The following GABRG3 variants were observed in gnomAD, a reference collection of about 807,000 sequenced individuals.
GABRG3 encodes the protein gamma-aminobutyric acid type A receptor subunit gamma3.
Under a neutral mutation model 48.8 loss-of-function variants are expected in GABRG3, and 25 were observed. That is an observed-to-expected ratio of 0.51 (90% CI 0.37 to 0.72). The LOEUF (loss-of-function observed/expected upper bound fraction) is 0.72. Among genes scored for constraint, GABRG3 ranks in the 30% least tolerant of loss-of-function variants. The pLI is 0.00. For missense variants in GABRG3, 394 were observed against 577.9 expected (o/e 0.68, Z 3.26); for synonymous variants, 227 against 217.6 (o/e 1.04, Z -0.38).
chr15:27,308,145 C>CCAAACTTATATAAACATATGTTTATAT (rs1566773171), intron 3 of GABRG3, among the ~76,000 whole-genome samples: 7 of 55,076 alleles, frequency 1.3e-4, no homozygotes, highest in African/African-American at 2.5e-4. Flanking sequence ...TATGTTTATA[C>CCAAACTTATATAAACATATGTTTATAT]ATCCAAACAT....
At chr15:27,402,899 C>G (rs1162178278) in intron 5 of GABRG3, among the ~76,000 whole-genome samples, 5 of 152,024 alleles carry the variant, frequency 3.3e-5, no homozygotes, top group African/African-American at 1.2e-4. Context: ...TTTCTATCCC[C>G]CTGCCTATAC....
chr15:27,392,786 T>G (rs1025054734), intron 5 of GABRG3, among the ~76,000 whole-genome samples: 15 of 152,228 alleles, frequency 9.9e-5, no homozygotes, highest in Admixed American at 2.6e-4. Flanking sequence ...CTCCTGGATA[T>G]TTATTTTATA....
At chr15:27,271,260 C>T (rs935896524) in intron 3 of GABRG3, among the ~76,000 whole-genome samples, 2 of 152,140 alleles carry the variant, frequency 1.3e-5, no homozygotes, top group Non-Finnish European at 2.9e-5. Context: ...GGGCTTGTCC[C>T]GACATCCTGA....
intron 2 of GABRG3, among the ~76,000 whole-genome samples, chr15:27,013,701 C>G (rs891359019): frequency 2.0e-5 from 3 of 152,048 alleles, no homozygotes; most frequent in Non-Finnish European, 4.4e-5. Flanking sequence ...TAACTATGGG[C>G]TCTCTATTCT....
chr15:27,379,728 A>G (rs1038812076), intron 5 of GABRG3, among the ~76,000 whole-genome samples: 1 of 152,152 alleles, frequency 6.6e-6, no homozygotes, highest in Non-Finnish European at 1.5e-5. Context: ...AACACTATAA[A>G]TATCTTGCTC....
chr15:27,423,888 T>C (rs1888209508), intron 5 of GABRG3, among the ~76,000 whole-genome samples: 2 of 151,960 alleles, frequency 1.3e-5, no homozygotes, highest in African/African-American at 2.4e-5. Context: ...ATTTGCAAAA[T>C]AGGATTGATG....
intron 6 of GABRG3, among the ~76,000 whole-genome samples, chr15:27,493,028 G>A (rs760890823): frequency 6.6e-6 from 1 of 152,208 alleles, no homozygotes; most frequent in Non-Finnish European, 1.5e-5. Flanking sequence ...AGACAAAATA[G>A]TAGTGGTGGC....
chr15:27,000,761 A>C (rs1388144948), intron 2 of GABRG3, among the ~76,000 whole-genome samples: 1 of 152,182 alleles, frequency 6.6e-6, no homozygotes, highest in Admixed American at 6.5e-5. Flanking sequence ...CCATGCTTCC[A>C]GTACAGCCTG....
At chr15:27,205,994 T>TA (rs1888840245) in intron 3 of GABRG3, among the ~76,000 whole-genome samples, 1 of 152,128 alleles carries the variant, frequency 6.6e-6, no homozygotes, top group South Asian at 2.1e-4. Flanking sequence ...CTGTCAATGT[T>TA]ACTTATTCTT....
intron 3 of GABRG3, among the ~76,000 whole-genome samples, chr15:27,045,429 C>T (rs1256051978): frequency 1.1e-4 from 16 of 152,262 alleles, no homozygotes; most frequent in Admixed American, 1.0e-3. Flanking sequence ...TTAGTTTGCA[C>T]ACAACCGAAT....
At chr15:27,398,219 G>A (rs1252505133) in intron 5 of GABRG3, among the ~76,000 whole-genome samples, 1 of 152,128 alleles carries the variant, frequency 6.6e-6, no homozygotes, top group African/African-American at 2.4e-5. Flanking sequence ...AATGACCTTT[G>A]CAGGAACAAC....
chr15:27,072,443 A>G (rs1414023002), intron 3 of GABRG3, among the ~76,000 whole-genome samples: 2 of 152,006 alleles, frequency 1.3e-5, no homozygotes. Context: ...TCTAGAGGAC[A>G]CTCAAAATAG....
At chr15:27,019,361 C>T (rs1414594303) in intron 2 of GABRG3, among the ~76,000 whole-genome samples, 2 of 152,066 alleles carry the variant, frequency 1.3e-5, no homozygotes, top group South Asian at 2.1e-4. Flanking sequence ...TGAGCCACCG[C>T]GCCCAGCCTA....
intron 3 of GABRG3, among the ~76,000 whole-genome samples, chr15:27,181,040 G>C (rs1210896306): frequency 2.0e-5 from 3 of 152,160 alleles, no homozygotes; most frequent in Admixed American, 6.5e-5. Context: ...AGGCCTAAAG[G>C]GTTGAAGGGC....
Position 27,180,117 on chromosome 15 carries a change from C to A in GABRG3, c.271-146692C>A, listed in dbSNP as rs904687752. 6.6e-6 allele frequency among the ~76,000 whole-genome samples: 1 copy of A among 152,002 alleles called. No homozygotes were observed. Among genetic ancestry groups the A allele is most frequent in the Non-Finnish European group, 1.5e-5 (1 of 68,024 alleles). On this transcript the variant is annotated intron_variant, in intron 3 of 9. Transcript: ENST00000615808. The surrounding 1 kb of genome is among the most constrained non-coding windows in gnomAD (Gnocchi z 4.2). ...TGTGGGGCTCGTTGCACTTGTTTTA[C>A]CAATCACAGAGCTCACAAAGAAGTT...
intron 3 of GABRG3, among the ~76,000 whole-genome samples, chr15:27,051,286 T>A (rs568028141): frequency 6.6e-6 from 1 of 152,356 alleles, no homozygotes; most frequent in Non-Finnish European, 1.5e-5. Flanking sequence ...TTTATTGATT[T>A]TATTTTTTTT....
At chr15:27,272,399 G>A (rs1427152809) in intron 3 of GABRG3, among the ~76,000 whole-genome samples, 1 of 152,190 alleles carries the variant, frequency 6.6e-6, no homozygotes, top group Non-Finnish European at 1.5e-5. Context: ...ATACAGTTTG[G>A]GCTCTGTGAG....
intron 3 of GABRG3, among the ~76,000 whole-genome samples, chr15:27,189,085 A>G (rs1043247849): frequency 8.5e-5 from 13 of 152,054 alleles, no homozygotes; most frequent in Admixed American, 2.6e-4. Flanking sequence ...CCATTGATCT[A>G]TATCTCTGTT....
chr15:27,141,185 G>A (rs1898096420), intron 3 of GABRG3, among the ~76,000 whole-genome samples: 1 of 152,154 alleles, frequency 6.6e-6, no homozygotes, highest in Non-Finnish European at 1.5e-5. Flanking sequence ...CTAGTTCACT[G>A]AGAAGCAGCC....
Sources: gnomAD v4.1 joint callset for allele counts (sites outside exome capture counted in the v4.1 genomes callset) on GRCh38, gnomAD v4.1.1 for gene constraint, Gnocchi (gnomAD v3.1) non-coding constraint, MANE v1.5 for transcripts, NCBI Gene and HGNC (gene_info 2026-07-23, HGNC 2026-07-21) for gene names.